The following NCOA1 variants were observed in gnomAD, a reference collection of about 807,000 sequenced individuals.
The protein encoded by NCOA1 is Hin-2 protein.
A neutral mutation model predicts 150.9 loss-of-function variants in NCOA1; 35 were observed. The ratio of observed to expected loss-of-function variants is 0.23; its 90% CI spans 0.18 to 0.31. The LOEUF (loss-of-function observed/expected upper bound fraction) is 0.31. Ranked by LOEUF, NCOA1 falls within the 10% of genes least tolerant of loss-of-function variation. The pLI, the probability that NCOA1 is intolerant of heterozygous loss-of-function variation, is 1.00. For missense variants in NCOA1, 1,491 were observed against 1,749.3 expected (o/e 0.85, Z 2.63); for synonymous variants, 590 against 630.0 (o/e 0.94, Z 0.95).
chr2:24,505,726 C>G (rs1277821019), intron 1 of NCOA1, among the ~76,000 whole-genome samples: 2 of 152,160 alleles, frequency 1.3e-5, no homozygotes, highest in African/African-American at 4.8e-5. Context: ...CAGGCTTGGT[C>G]TGTCATAACA....
chr2:24,627,128 T>TG (rs1669455958), intron 3 of NCOA1, among the ~76,000 whole-genome samples: 1 of 148,954 alleles, frequency 6.7e-6, no homozygotes, highest in African/African-American at 2.4e-5. Flanking sequence ...GCTGTTTTTT[T>TG]TTTTTTTTTT....
chr2:24,606,170 G>C (rs1435107128), intron 3 of NCOA1, among the ~76,000 whole-genome samples: 1 of 151,762 alleles, frequency 6.6e-6, no homozygotes, highest in African/African-American at 2.4e-5. Flanking sequence ...TTTCTCTTTT[G>C]TTTCCTTAAT....
At chr2:24,658,968 A>C (rs1671063895) in intron 5 of NCOA1, 1 of 547,044 alleles carries the variant, frequency 1.8e-6, no homozygotes, top group Non-Finnish European at 3.3e-6. Flanking sequence ...TCCTTTAGTT[A>C]ACACCTACTC....
intron 3 of NCOA1, among the ~76,000 whole-genome samples, chr2:24,605,716 G>A (rs1668333559): frequency 6.6e-6 from 1 of 152,164 alleles, no homozygotes; most frequent in African/African-American, 2.4e-5. Context: ...TGGGCACAGA[G>A]TTAGGTTGAA....
At chr2:24,573,282 A>G (rs1217723903) in intron 2 of NCOA1, among the ~76,000 whole-genome samples, 1 of 152,168 alleles carries the variant, frequency 6.6e-6, no homozygotes, top group Non-Finnish European at 1.5e-5. Context: ...GATACTTTAT[A>G]CATATTTTCA....
At chr2:24,750,634 T>G (rs1664172515) in intron 19 of NCOA1, among the ~76,000 whole-genome samples, 1 of 152,168 alleles carries the variant, frequency 6.6e-6, no homozygotes, top group African/African-American at 2.4e-5. Flanking sequence ...GCAAATCTTT[T>G]AGAGACAGAA....
In NCOA1 at chr2:24,589,630, G is replaced by GGTGTGTGTGTGT. The variant is rs148118845; in HGVS notation, c.-175+5093_-175+5104dup. ...GCATAGGGAGAGGAAAGAGGTTGGT[G>GGTGTGTGTGTGT]GTGTGTGTGTGTGTGTGTGTGTGTG... On this transcript the variant is annotated intron_variant, in intron 3 of 22. Coordinates refer to ENST00000348332, the MANE Select transcript of NCOA1 (RefSeq NM_003743.5). Among the ~76,000 whole-genome samples the GGTGTGTGTGTGT allele has an allele frequency of 9.5e-3, 1,403 of 147,530 alleles. 9 individuals carry two copies. Among genetic ancestry groups the GGTGTGTGTGTGT allele is most frequent in the South Asian group, 0.016 (73 of 4,622 alleles).
intron 1 of NCOA1, among the ~76,000 whole-genome samples, chr2:24,503,687 T>C (rs1441255627): frequency 2.0e-5 from 3 of 152,108 alleles, no homozygotes; most frequent in Non-Finnish European, 4.4e-5. Flanking sequence ...GTCTAGCACT[T>C]ATTTCTTCAC....
In NCOA1 at chr2:24,741,920, C is replaced by T; in HGVS notation, c.3440C>T (p.Ser1147Leu). ...QQSFGNNLPP[S>L]SGLPVQMGNP... ...AGCTTTGGGAACAACCTCCCTCCCT[C>T]ATCTGGACTACCAGTTCAAATGGGG... is the stretch of plus-strand genomic sequence containing the variant. Residue 1147 changes from serine (S) to leucine (L), a missense_variant, in exon 19 of 23, where the codon TCA (serine) becomes TTA (leucine). Ser to Leu is a moderately radical substitution (Grantham distance 145). Around this residue, in one of 8 missense-constraint regions of NCOA1, gnomAD observed 485 missense variants for 522.8 expected, o/e 0.93. Transcript: ENST00000348332. 1 of 1,614,240 alleles carries T rather than the reference C, an allele frequency of 6.2e-7. No homozygotes were observed. The highest frequency in any genetic ancestry group is 8.5e-7 in the Non-Finnish European group (1 of 1,180,044).
chr2:24,603,832 A>G (rs1004918188), intron 3 of NCOA1, among the ~76,000 whole-genome samples: 1 of 152,224 alleles, frequency 6.6e-6, no homozygotes, highest in Non-Finnish European at 1.5e-5. Context: ...ATGAATCACG[A>G]ATGTTCTTAA....
intron 3 of NCOA1, among the ~76,000 whole-genome samples, chr2:24,640,861 C>T (rs1572529324): frequency 6.6e-6 from 1 of 152,016 alleles, no homozygotes; most frequent in East Asian, 1.9e-4. Flanking sequence ...CTCTTATTGA[C>T]AGCATATAGT....
chr2:24,528,967 A>T (rs897369323), intron 1 of NCOA1, among the ~76,000 whole-genome samples: 20 of 151,990 alleles, frequency 1.3e-4, no homozygotes, highest in Admixed American at 4.6e-4. Flanking sequence ...GCTCACTGCA[A>T]GCTCCACCTC....
chr2:24,741,685 C>A, intron 18 of NCOA1, 99 bp from the exon 19 acceptor site: 1 of 1,324,786 alleles, frequency 7.5e-7, no homozygotes, highest in Non-Finnish European at 1.0e-6. Flanking sequence ...TTGCTATGTA[C>A]TTTATTGCCC....
At chr2:24,755,672 A>G (rs1051918934) in intron 20 of NCOA1, among the ~76,000 whole-genome samples, 2 of 152,246 alleles carry the variant, frequency 1.3e-5, no homozygotes, top group South Asian at 2.1e-4. Context: ...TTGCAGCTGC[A>G]GAAGAGCTTG....
chr2:24,582,163 A>C (rs938583963), intron 2 of NCOA1, among the ~76,000 whole-genome samples: 3 of 152,214 alleles, frequency 2.0e-5, no homozygotes, highest in African/African-American at 7.2e-5. Flanking sequence ...GAGGAAGTCA[A>C]ATTGTCTCTG....
intron 14 of NCOA1, among the ~76,000 whole-genome samples, chr2:24,713,226 T>C (rs889555652): frequency 2.6e-5 from 4 of 151,620 alleles, no homozygotes; most frequent in Non-Finnish European, 5.9e-5. Flanking sequence ...AGCAAAACTC[T>C]ATCTCAAAAA....
intron 2 of NCOA1, among the ~76,000 whole-genome samples, chr2:24,576,696 A>G (rs1229526365): frequency 2.6e-5 from 4 of 152,204 alleles, no homozygotes; most frequent in Non-Finnish European, 5.9e-5. Context: ...TGTGGGCCTA[A>G]GTTAAAGAAG....
chr2:24,637,738 C>T (rs2148447566), intron 3 of NCOA1, among the ~76,000 whole-genome samples: 1 of 152,114 alleles, frequency 6.6e-6, no homozygotes, highest in African/African-American at 2.4e-5. Flanking sequence ...TCTTCTTGCC[C>T]AGGCTGGAGT....
chr2:24,631,177 A>G (rs900060748), intron 3 of NCOA1, among the ~76,000 whole-genome samples: 4 of 152,112 alleles, frequency 2.6e-5, no homozygotes, highest in African/African-American at 9.7e-5. Flanking sequence ...TACATAAGCT[A>G]CTGTGGAATT....
Sources: allele counts gnomAD v4.1 joint callset (sites outside exome capture counted in the v4.1 genomes callset), GRCh38; gene constraint gnomAD v4.1.1; regional missense constraint gnomAD v4.1.1; transcripts MANE v1.5; gene names NCBI Gene and HGNC (gene_info 2026-07-23, HGNC 2026-07-21).